Variants in CTNND2 observed in about 807,000 individuals in gnomAD.
CTNND2 encodes the protein catenin delta-2.
Under a neutral mutation model 144.4 loss-of-function variants are expected in CTNND2, and 22 were observed. That is an observed-to-expected ratio of 0.15 (90% CI 0.11 to 0.22). The LOEUF is 0.22. CTNND2 is among the 10% of genes least tolerant of loss of function. The probability of loss-of-function intolerance (pLI) is 1.00; values close to 1 mark genes in which losing one functional copy is unlikely to be tolerated. For missense variants in CTNND2, 1,353 were observed against 1,618.8 expected, an observed-to-expected ratio of 0.84 and a Z score of 2.82; for synonymous variants, 751 against 695.6, an observed-to-expected ratio of 1.08 and a Z score of -1.25.
intron 2 of CTNND2, among the ~76,000 whole-genome samples, chr5:11,571,898 G>C (rs921108832): frequency 6.6e-6 from 1 of 152,164 alleles, no homozygotes; most frequent in Non-Finnish European, 1.5e-5. Context: ...TTTATTGGAA[G>C]TACTGTTGCT....
chr5:11,521,921 C>T (rs1772761090), intron 3 of CTNND2, among the ~76,000 whole-genome samples: 1 of 152,112 alleles, frequency 6.6e-6, no homozygotes, highest in Admixed American at 6.6e-5. Flanking sequence ...CCTTTCTTGC[C>T]TTTTGCTGAT....
At chr5:11,086,305 G>A (rs1049297293) in intron 15 of CTNND2, among the ~76,000 whole-genome samples, 4 of 152,118 alleles carry the variant, frequency 2.6e-5, no homozygotes, top group South Asian at 2.1e-4. Context: ...ACGTCCATGT[G>A]TGTCCTGGAG....
chr5:11,053,718 T>C (rs1478269228), intron 16 of CTNND2, among the ~76,000 whole-genome samples: 2 of 151,254 alleles, frequency 1.3e-5, no homozygotes, highest in East Asian at 3.9e-4. Flanking sequence ...GGCAGTTTTT[T>C]CCTCTTAAAG....
In CTNND2 at chr5:11,364,764, C is replaced by A; in HGVS notation, c.1304G>T (p.Arg435Met). Reference sequence around the variant, plus strand: ...GTCCCCCTGGCTCTGGCTGAGACTCCTCATAGGGGGCTTCTGATAGACGCG... The same window carrying A: ...GTCCCCCTGGCTCTGGCTGAGACTCATCATAGGGGGCTTCTGATAGACGCG... ...EDRVYQKPPM[R>M]SLSQSQGDPL... The change falls in exon 8 of 22, where the codon AGG (arginine) becomes ATG (methionine). Residue 435 changes from arginine to methionine, a missense_variant. Physicochemically the swap from Arg to Met is moderately conservative, Grantham distance 91 (BLOSUM62 -1). Transcript: ENST00000304623. The A allele has an allele frequency of 6.2e-7, 1 of 1,613,872 alleles. No individual in the cohort carries two copies. Among genetic ancestry groups the A allele is most frequent in the Non-Finnish European group, 8.5e-7 (1 of 1,179,934 alleles).
At chr5:11,675,750 A>ATG (rs1373710011) in intron 2 of CTNND2, among the ~76,000 whole-genome samples, 1 of 151,926 alleles carries the variant, frequency 6.6e-6, no homozygotes, top group East Asian at 1.9e-4. Flanking sequence ...GTGTATATAT[A>ATG]TGTGTGTGTA....
intron 2 of CTNND2, among the ~76,000 whole-genome samples, chr5:11,644,370 C>T (rs1449036418): frequency 6.6e-6 from 1 of 152,148 alleles, no homozygotes; most frequent in Non-Finnish European, 1.5e-5. Flanking sequence ...GAGTTAAGTC[C>T]TGTAAATGAT....
chr5:11,876,237 C>G (rs182894686), intron 1 of CTNND2, among the ~76,000 whole-genome samples: 2 of 136,534 alleles, frequency 1.5e-5, no homozygotes, highest in East Asian at 2.1e-4. Context: ...CGGGAGGCAG[C>G]AGGGAGGAGG....
chr5:11,758,465 C>G (rs1299821086), intron 1 of CTNND2, among the ~76,000 whole-genome samples: 1 of 151,958 alleles, frequency 6.6e-6, no homozygotes, highest in Non-Finnish European at 1.5e-5. Flanking sequence ...CTAATGGAAA[C>G]TTTGCACCTC....
At chr5:11,540,476 C>A (rs147746647) in intron 3 of CTNND2, among the ~76,000 whole-genome samples, 17 of 152,260 alleles carry the variant, frequency 1.1e-4, no homozygotes, top group African/African-American at 3.4e-4. Flanking sequence ...TAAATGGTTA[C>A]GACACAGACT....
At chr5:11,343,520 G>GA (rs1031404177) in intron 9 of CTNND2, among the ~76,000 whole-genome samples, 5 of 151,704 alleles carry the variant, frequency 3.3e-5, no homozygotes, top group African/African-American at 7.2e-5. Context: ...TTCATCCTCT[G>GA]AAAAAAAATC....
intron 2 of CTNND2, among the ~76,000 whole-genome samples, chr5:11,696,985 G>A (rs1401963064): frequency 6.6e-6 from 1 of 151,352 alleles, no homozygotes; most frequent in Non-Finnish European, 1.5e-5. Flanking sequence ...TTAAATGATA[G>A]ATATTCAGAA....
intron 18 of CTNND2, among the ~76,000 whole-genome samples, chr5:11,000,362 AAC>A (rs1041981965): frequency 6.6e-6 from 1 of 152,114 alleles, no homozygotes; most frequent in African/African-American, 2.4e-5. Context: ...CTCTACTAAA[AAC>A]ACAAAAATTA....
chr5:11,835,884 C>T (rs1382954185), intron 1 of CTNND2, among the ~76,000 whole-genome samples: 1 of 151,316 alleles, frequency 6.6e-6, no homozygotes, highest in Non-Finnish European at 1.5e-5. Context: ...TCTTTTTTTT[C>T]CTAGAGTCTT....
At position 11,384,785 on chromosome 5, in the gene CTNND2, T is replaced by C; in HGVS notation, c.1057A>G (p.Ile353Val). 6.2e-7 allele frequency: 1 copy of C among 1,612,942 alleles called. No homozygotes were observed. The highest frequency in any genetic ancestry group is 8.5e-7 in the Non-Finnish European group (1 of 1,179,650). Residue 353 changes from isoleucine (I) to valine (V), a missense_variant, in exon 7 of 22, where the codon ATC (isoleucine) becomes GTC (valine). Ile to Val is a conservative substitution (Grantham distance 29). This residue lies in a region of CTNND2 where 708 missense variants were observed against 706.4 expected (regional missense o/e 1.00). Transcript: ENST00000304623. This position sits in a 1 kb window ranked among gnomAD's most constrained non-coding sequence, Gnocchi z 5.2. Reference protein sequence around the residue: ...SSPIHQLSSTIGTYATLSPTK... With the variant: ...SSPIHQLSSTVGTYATLSPTK... The stretch of plus-strand genomic sequence containing the variant: ...GGCGACAGGGTGGCGTACGTGCCGA[T>C]GGTGGAGCTCAGCTGGTGGATGGGC...
At chr5:11,376,469 C>G (rs1208646077) in intron 7 of CTNND2, among the ~76,000 whole-genome samples, 1 of 152,088 alleles carries the variant, frequency 6.6e-6, no homozygotes, top group Admixed American at 6.5e-5. Flanking sequence ...GATAATTTAT[C>G]ATATTTGAGA....
intron 7 of CTNND2, among the ~76,000 whole-genome samples, chr5:11,376,473 T>G (rs971295353): frequency 6.6e-6 from 1 of 152,196 alleles, no homozygotes; most frequent in Non-Finnish European, 1.5e-5. Context: ...ATTTATCATA[T>G]TTGAGAAAGA....
chr5:11,589,833 C>A (rs768071396), intron 2 of CTNND2, among the ~76,000 whole-genome samples: 1 of 152,128 alleles, frequency 6.6e-6, no homozygotes, highest in Non-Finnish European at 1.5e-5. Context: ...ACAGAGGTAA[C>A]GCCCCAGTGG....
intron 12 of CTNND2, among the ~76,000 whole-genome samples, chr5:11,152,653 C>A (rs1757847404): frequency 6.6e-6 from 1 of 152,176 alleles, no homozygotes. Flanking sequence ...GACCCGAGCC[C>A]TCGTCACTGG....
At chr5:11,549,350 A>ATGGAGGAATAAG (rs901524477) in intron 3 of CTNND2, among the ~76,000 whole-genome samples, 2 of 152,070 alleles carry the variant, frequency 1.3e-5, no homozygotes, top group African/African-American at 2.4e-5. Flanking sequence ...TGAACAAACG[A>ATGGAGGAATAAG]ATGGATGGAG....
Sources: allele counts gnomAD v4.1 joint callset (sites outside exome capture counted in the v4.1 genomes callset), GRCh38; gene constraint gnomAD v4.1.1; regional missense constraint gnomAD v4.1.1; non-coding constraint Gnocchi (gnomAD v3.1); transcripts MANE v1.5; gene names NCBI Gene and HGNC (gene_info 2026-07-23, HGNC 2026-07-21).